The following GPC5 variants were observed in gnomAD, a reference collection of about 807,000 sequenced individuals.
GPC5 encodes glypican 5.
GPC5 carries 47 observed loss-of-function variants against 53.9 expected under a neutral mutation model. The observed-to-expected ratio is 0.87, with a 90% CI of 0.69 to 1.11. The LOEUF (loss-of-function observed/expected upper bound fraction) is 1.11, where lower values mean the gene tolerates loss of function less well. GPC5 is among the 50% of genes most tolerant of loss of function. The pLI, the probability that GPC5 is intolerant of heterozygous loss-of-function variation, is 0.00. For missense variants in GPC5, 748 were observed against 713.1 expected (o/e 1.05, Z -0.56); for synonymous variants, 286 against 263.3 (o/e 1.09, Z -0.84).
intron 2 of GPC5, among the ~76,000 whole-genome samples, chr13:91,529,449 T>A (rs1420328781): frequency 6.6e-6 from 1 of 152,194 alleles, no homozygotes; most frequent in East Asian, 1.9e-4. Flanking sequence ...TGTCTTAGTT[T>A]CCAGCTTTAT....
intron 7 of GPC5, among the ~76,000 whole-genome samples, chr13:92,182,581 T>C (rs2042154382): frequency 6.6e-6 from 1 of 152,208 alleles, no homozygotes; most frequent in Non-Finnish European, 1.5e-5. Flanking sequence ...AAACCATATT[T>C]TGGTGAGTTT....
intron 7 of GPC5, among the ~76,000 whole-genome samples, chr13:92,321,010 GA>G (rs2043212114): frequency 6.6e-6 from 1 of 150,888 alleles, no homozygotes; most frequent in South Asian, 2.1e-4. Context: ...AATTACTGCA[GA>G]TTTTTTTTTC....
chr13:92,584,878 C>T (rs538690014), intron 7 of GPC5, among the ~76,000 whole-genome samples: 52 of 152,224 alleles, frequency 3.4e-4, no homozygotes, highest in Admixed American at 9.8e-4. Flanking sequence ...GGTGGAAGCC[C>T]GAAGCCTTGG....
intron 7 of GPC5, among the ~76,000 whole-genome samples, chr13:92,296,595 A>G (rs1383382690): frequency 6.6e-6 from 1 of 152,108 alleles, no homozygotes; most frequent in Non-Finnish European, 1.5e-5. Context: ...CCCCTACTGC[A>G]CTGTGGGAGC....
chr13:92,649,914 TA>T (rs1261264974), intron 7 of GPC5, among the ~76,000 whole-genome samples: 1 of 152,144 alleles, frequency 6.6e-6, no homozygotes. Flanking sequence ...AATGCTAGGC[TA>T]GGCAAGTCCA....
At chr13:92,565,321 G>GT (rs796366739) in intron 7 of GPC5, among the ~76,000 whole-genome samples, 12 of 151,970 alleles carry the variant, frequency 7.9e-5, no homozygotes, top group African/African-American at 2.2e-4. Flanking sequence ...TTTCACCTTG[G>GT]TTTTTTTATT....
chr13:91,435,279 G>A (rs149230397), intron 1 of GPC5, among the ~76,000 whole-genome samples: 101,466 of 151,996 alleles, frequency 0.67, 34,529 homozygotes, highest in African/African-American at 0.79. Flanking sequence ...TTCAAAGGGA[G>A]TGCTTCCAGT....
At chr13:91,968,266 C>T (rs1053948813) in intron 6 of GPC5, among the ~76,000 whole-genome samples, 2 of 151,582 alleles carry the variant, frequency 1.3e-5, no homozygotes, top group Admixed American at 1.3e-4. Context: ...TTATGTTGTA[C>T]ATTTAATCCA....
chr13:92,276,714 A>G (rs1040327391), intron 7 of GPC5, among the ~76,000 whole-genome samples: 1 of 152,136 alleles, frequency 6.6e-6, no homozygotes, highest in Non-Finnish European at 1.5e-5. Flanking sequence ...TTATTTCATC[A>G]GAATTAAGAG....
At chr13:92,780,674 C>G (rs971470254) in intron 7 of GPC5, among the ~76,000 whole-genome samples, 25 of 145,990 alleles carry the variant, frequency 1.7e-4, no homozygotes, top group African/African-American at 6.3e-4. Context: ...CCTCTTTGTG[C>G]AGAAAACATT....
At chr13:91,692,391 T>C (rs2035774961) in intron 2 of GPC5, among the ~76,000 whole-genome samples, 1 of 152,222 alleles carries the variant, frequency 6.6e-6, no homozygotes, top group Non-Finnish European at 1.5e-5. Flanking sequence ...GGTTTTCCTT[T>C]GGGAATCTAA....
At chr13:92,031,860 T>TATA (rs1555305720) in intron 6 of GPC5, among the ~76,000 whole-genome samples, 3 of 99,126 alleles carry the variant, frequency 3.0e-5, no homozygotes, top group East Asian at 2.6e-4. Context: ...ATATATAATA[T>TATA]ATATATTATA....
chr13:92,803,121 T>A (rs1876968942), intron 7 of GPC5, among the ~76,000 whole-genome samples: 1 of 151,924 alleles, frequency 6.6e-6, no homozygotes, highest in Non-Finnish European at 1.5e-5. Context: ...TTGGCTAGAA[T>A]TTTTTTGTAA....
At chr13:92,522,926 T>G (rs1325709695) in intron 7 of GPC5, among the ~76,000 whole-genome samples, 1 of 152,104 alleles carries the variant, frequency 6.6e-6, no homozygotes, top group African/African-American at 2.4e-5. Flanking sequence ...AAATAAATGT[T>G]TTTGGTAAAA....
chr13:91,696,299 G>A (rs999069149), intron 3 of GPC5, among the ~76,000 whole-genome samples: 2 of 152,050 alleles, frequency 1.3e-5, no homozygotes, highest in Non-Finnish European at 2.9e-5. Context: ...AAAATAGTCT[G>A]ATTTTATATA....
At chr13:91,583,827 G>A (rs2032460284) in intron 2 of GPC5, among the ~76,000 whole-genome samples, 1 of 152,142 alleles carries the variant, frequency 6.6e-6, no homozygotes, top group African/African-American at 2.4e-5. Flanking sequence ...AAATGAGATA[G>A]TGCAATACTT....
At chr13:91,650,172 T>G (rs530177990) in intron 2 of GPC5, among the ~76,000 whole-genome samples, 1 of 152,284 alleles carries the variant, frequency 6.6e-6, no homozygotes, top group East Asian at 1.9e-4. Flanking sequence ...AACATACAAT[T>G]TCATTGTATG....
At chr13:91,589,247 C>T (rs2032709124) in intron 2 of GPC5, among the ~76,000 whole-genome samples, 1 of 152,060 alleles carries the variant, frequency 6.6e-6, no homozygotes, top group Non-Finnish European at 1.5e-5. Flanking sequence ...ACCTTTGACT[C>T]TCATTCCTCT....
intron 7 of GPC5, among the ~76,000 whole-genome samples, chr13:92,537,591 T>C (rs78605135): frequency 6.6e-6 from 1 of 152,134 alleles, no homozygotes; most frequent in African/African-American, 2.4e-5. Flanking sequence ...GATTGCCTAA[T>C]ATAAGTTTAC....
Sources: allele counts gnomAD v4.1 joint callset (sites outside exome capture counted in the v4.1 genomes callset), GRCh38; gene constraint gnomAD v4.1.1; transcripts MANE v1.5; gene names NCBI Gene and HGNC (gene_info 2026-07-23, HGNC 2026-07-21).